MAPK6: variants seen among roughly 807,000 people sequenced by gnomAD.
MAPK6 encodes mitogen-activated protein kinase 6, also known as ERK-3.
MAPK6 carries 19 observed loss-of-function variants against 59.3 expected under a neutral mutation model. That is an observed-to-expected ratio of 0.32 (90% CI 0.22 to 0.47). The LOEUF (loss-of-function observed/expected upper bound fraction) is 0.47. Among genes scored for constraint, MAPK6 ranks in the 20% least tolerant of loss-of-function variants. MAPK6 has a pLI of 1.00. For missense variants in MAPK6, 724 were observed against 847.9 expected (o/e 0.85, Z 1.81); for synonymous variants, 316 against 290.3 (o/e 1.09, Z -0.90).
At chr15:52,040,961 A>G (rs1233032611) in intron 1 of MAPK6, among the ~76,000 whole-genome samples, 1 of 152,216 alleles carries the variant, frequency 6.6e-6, no homozygotes, top group Non-Finnish European at 1.5e-5. Flanking sequence ...AAACAAAACA[A>G]TATCGAACCA....
intron 4 of MAPK6, among the ~76,000 whole-genome samples, 190 bp downstream of exon 4, chr15:52,058,987 T>G (rs996077363): frequency 9.8e-5 from 15 of 152,310 alleles, no homozygotes; most frequent in Non-Finnish European, 1.5e-4. Flanking sequence ...TACGATCTGT[T>G]TTTTTGGTTC....
chr15:51,978,949 G>A (rs1366064614), intron 1 of MAPK6, among the ~76,000 whole-genome samples: 2 of 150,906 alleles, frequency 1.3e-5, no homozygotes, highest in East Asian at 1.9e-4. Context: ...AGTGAGACCT[G>A]GTCACAAAAA....
intron 2 of MAPK6, among the ~76,000 whole-genome samples, chr15:51,990,670 G>T (rs1194013829): frequency 6.6e-6 from 1 of 152,066 alleles, no homozygotes; most frequent in Non-Finnish European, 1.5e-5. Flanking sequence ...ACAAAATTAG[G>T]CCAGGCGCAG....
At chr15:51,976,457 AAAC>A (rs1273303977) in intron 1 of MAPK6, among the ~76,000 whole-genome samples, 1 of 151,648 alleles carries the variant, frequency 6.6e-6, no homozygotes, top group African/African-American at 2.4e-5. Flanking sequence ...CGTAAAACTC[AAAC>A]AAGAACATTG....
At chr15:51,987,756 A>C (rs1349785325) in intron 2 of MAPK6, among the ~76,000 whole-genome samples, 4 of 147,542 alleles carry the variant, frequency 2.7e-5, no homozygotes, top group Non-Finnish European at 5.9e-5. Context: ...ACAATGGCTC[A>C]TAGTACTTTT....
chr15:51,996,633 C>T (rs2057225039), intron 2 of MAPK6, among the ~76,000 whole-genome samples: 4 of 151,892 alleles, frequency 2.6e-5, no homozygotes, highest in Admixed American at 1.3e-4. Flanking sequence ...TGGCCTCAAG[C>T]GATCCACCTG....
At chr15:52,043,455 G>A (rs537894871) in intron 1 of MAPK6, among the ~76,000 whole-genome samples, 18 of 151,830 alleles carry the variant, frequency 1.2e-4, no homozygotes, top group Middle Eastern at 3.4e-3. Context: ...CTATCACCAC[G>A]CTGGGCTGAT....
At chr15:51,972,253 C>G (rs2057133020) in intron 1 of MAPK6, among the ~76,000 whole-genome samples, 1 of 152,156 alleles carries the variant, frequency 6.6e-6, no homozygotes. Context: ...ATTCTAATTC[C>G]TCAGCCTCCC....
intron 2 of MAPK6, among the ~76,000 whole-genome samples, chr15:51,992,907 G>T (rs954434372): frequency 2.0e-5 from 3 of 152,044 alleles, no homozygotes; most frequent in South Asian, 2.1e-4. Flanking sequence ...GAACCTCCAC[G>T]TGTTCACTTA....
chr15:52,057,608 G>T (rs1045634386), intron 3 of MAPK6, among the ~76,000 whole-genome samples: 5 of 151,806 alleles, frequency 3.3e-5, no homozygotes, highest in African/African-American at 1.2e-4. Context: ...GCAGTGACAT[G>T]ATCTTGGCTT....
At chr15:52,015,984 AG>A (rs1200901209), upstream of MAPK6, among the ~76,000 whole-genome samples, 1 of 147,730 alleles carries the variant, frequency 6.8e-6, no homozygotes, top group Non-Finnish European at 1.5e-5. Context: ...TGAACCTGGG[AG>A]GCAGAGCTTG....
chr15:52,006,728 C>A (rs554586828), intron 3 of MAPK6, among the ~76,000 whole-genome samples: 1 of 152,136 alleles, frequency 6.6e-6, no homozygotes, highest in South Asian at 2.1e-4. Flanking sequence ...AGCAGCAAAT[C>A]TGAAGAACTG....
intron 1 of MAPK6, among the ~76,000 whole-genome samples, chr15:52,041,954 A>G (rs991621257): frequency 6.6e-6 from 1 of 152,272 alleles, no homozygotes; most frequent in African/African-American, 2.4e-5. Context: ...CCATGAGGGC[A>G]GAGCCCAAGT....
upstream of MAPK6, among the ~76,000 whole-genome samples, chr15:52,016,068 GCGCACACACACACACA>G (rs1312851949): frequency 8.4e-5 from 3 of 35,610 alleles, no homozygotes; most frequent in East Asian, 2.2e-3. Context: ...GCGCGCGCGC[GCGCACACACACACACA>G]CACACACACA....
intron 5 of MAPK6, 146 bp downstream of exon 5, chr15:52,061,646 T>A: frequency 1.5e-6 from 1 of 666,078 alleles, no homozygotes; most frequent in South Asian, 2.0e-5. Flanking sequence ...TCAGGTGTGG[T>A]GGCAGGCGCC....
At chr15:52,030,584 G>A (rs1360761360) in intron 1 of MAPK6, among the ~76,000 whole-genome samples, 1 of 134,872 alleles carries the variant, frequency 7.4e-6, no homozygotes, top group African/African-American at 2.8e-5. Context: ...GATTTTGATG[G>A]TTGTGTTTTA....
chr15:51,989,813 A>G (rs2057202492), intron 2 of MAPK6, among the ~76,000 whole-genome samples: 1 of 152,184 alleles, frequency 6.6e-6, no homozygotes. Context: ...TGTGTTGCCC[A>G]GGCTGGTCTC....
intron 5 of MAPK6, 50 bp downstream of exon 5, chr15:52,061,550 AC>A: frequency 1.5e-6 from 2 of 1,367,936 alleles, no homozygotes; most frequent in Non-Finnish European, 2.1e-6. Flanking sequence ...CTTTCAGTGG[AC>A]CATATGTAGT....
At chr15:52,045,419 A>C (rs753023501) in intron 1 of MAPK6, among the ~76,000 whole-genome samples, 1 of 152,254 alleles carries the variant, frequency 6.6e-6, no homozygotes, top group Non-Finnish European at 1.5e-5. Context: ...GGCATAGTTA[A>C]TAAGTAAACA....
Sources: gnomAD v4.1 joint callset for allele counts (sites outside exome capture counted in the v4.1 genomes callset) on GRCh38, gnomAD v4.1.1 for gene constraint, MANE v1.5 for transcripts, NCBI Gene and HGNC (gene_info 2026-07-23, HGNC 2026-07-21) for gene names.